FAAP20: variants seen among roughly 807,000 people sequenced by gnomAD.
FAAP20 encodes FA core complex associated protein 20.
In FAAP20, 12 loss-of-function variants were observed where a neutral mutation model predicts 16.2. The observed-to-expected ratio is 0.74, with a 90% CI of 0.48 to 1.20. The LOEUF is 1.20. Among genes scored for constraint, FAAP20 ranks in the 50% most tolerant of loss-of-function variants. FAAP20 has a pLI of 0.00. For missense variants in FAAP20, 288 were observed against 245.8 expected (o/e 1.17, Z -1.15); for synonymous variants, 141 against 110.7 (o/e 1.27, Z -1.72).
At chr1:2,195,289 G>A (rs1219143094), upstream of FAAP20, among the ~76,000 whole-genome samples, 1 of 152,190 alleles carries the variant, frequency 6.6e-6, no homozygotes, top group Non-Finnish European at 1.5e-5. Flanking sequence ...CCTGGGCCAG[G>A]GCCCTGGGGG....
At chr1:2,192,983 A>G (rs559230284) in intron 3 of FAAP20, 1 of 1,304,022 alleles carries the variant, frequency 7.7e-7, no homozygotes, top group East Asian at 5.5e-5. Flanking sequence ...CTTCTGGAAG[A>G]CCAGGGGCAT....
chr1:2,189,658 G>C lies in FAAP20; in HGVS notation c.*51C>G, dbSNP rs1687937655. On this transcript the variant is annotated 3_prime_UTR_variant, in exon 4 of 4. Coordinates refer to ENST00000378546, the MANE Select transcript of FAAP20 (RefSeq NM_182533.4). ...GAGCCGAGAGGCGGGGCTGCTGGCG[G>C]GGGAGAGCGTGTCCGGGCGCCGCAC... 1 of 1,493,820 alleles carries C rather than the reference G, an allele frequency of 6.7e-7. No individual in the cohort carries two copies. Among genetic ancestry groups the C allele is most frequent in the South Asian group, 1.1e-5 (1 of 88,222 alleles). 92.5% of individuals were successfully genotyped at this position (1,493,820 alleles called of 1,614,324 possible).
chr1:2,185,448 C>T, downstream of FAAP20: 1 of 718,664 alleles, frequency 1.4e-6, no homozygotes. Context: ...ATCTCAGACG[C>T]AACCCACACG....
At chr1:2,193,109 G>A in intron 3 of FAAP20, 5 of 903,936 alleles carry the variant, frequency 5.5e-6, no homozygotes, top group Non-Finnish European at 7.5e-6. Flanking sequence ...ACCTGCTCCG[G>A]AGGCCAAGGG....
At chr1:2,190,086 C>G (rs1185752242) in intron 3 of FAAP20, 1 of 567,816 alleles carries the variant, frequency 1.8e-6, no homozygotes, top group African/African-American at 1.8e-5. Flanking sequence ...TGAGAACGCG[C>G]TCATCGTGGA....
chr1:2,202,613 G>GCCA (rs1689093894), upstream of FAAP20, among the ~76,000 whole-genome samples: 1 of 152,062 alleles, frequency 6.6e-6, no homozygotes, highest in Non-Finnish European at 1.5e-5. Context: ...ACAGGCACAA[G>GCCA]CCACCACACC....
upstream of FAAP20, chr1:2,197,874 C>CA: frequency 9.9e-7 from 1 of 1,006,876 alleles, no homozygotes; most frequent in Non-Finnish European, 1.3e-6. Context: ...CTCCACTTGT[C>CA]AGGAAGCCTG....
downstream of FAAP20, among the ~76,000 whole-genome samples, chr1:2,188,395 G>T (rs1687799767): frequency 6.6e-6 from 1 of 152,188 alleles, no homozygotes; most frequent in African/African-American, 2.4e-5. Context: ...AGCCCCCGGA[G>T]AGTCTCAGCT....
At chr1:2,186,501 C>CG (rs912371051), downstream of FAAP20, among the ~76,000 whole-genome samples, 25 of 148,920 alleles carry the variant, frequency 1.7e-4, no homozygotes, top group Non-Finnish European at 3.0e-4. Context: ...CACCCGCCCC[C>CG]CCCCGGCCAG....
chr1:2,208,554 G>C (rs531314199), downstream of FAAP20, among the ~76,000 whole-genome samples: 1 of 152,324 alleles, frequency 6.6e-6, no homozygotes, highest in Non-Finnish European at 1.5e-5. Flanking sequence ...GCCCCTCCCT[G>C]CAGCATCTGT....
chr1:2,185,138 C>T, downstream of FAAP20: 3 of 905,862 alleles, frequency 3.3e-6, no homozygotes, highest in South Asian at 4.6e-5. Context: ...GCCGAGACCG[C>T]AGAGGGAAGC....
At chr1:2,189,980 C>G in intron 3 of FAAP20, 199 bp from the exon 4 acceptor site, 1 of 627,824 alleles carries the variant, frequency 1.6e-6, no homozygotes, top group Non-Finnish European at 2.9e-6. Context: ...ACACCGTGCC[C>G]GTGAGGAGGC....
chr1:2,199,048 C>A, upstream of FAAP20: 2 of 1,231,708 alleles, frequency 1.6e-6, no homozygotes, highest in Non-Finnish European at 2.1e-6. The surrounding 1 kb of genome is among the most constrained non-coding windows in gnomAD (Gnocchi z 4.5). Context: ...TCCTCACAGC[C>A]TCAGTGGCGG....
upstream of FAAP20, among the ~76,000 whole-genome samples, chr1:2,202,746 G>A (rs545969246): frequency 7.9e-5 from 12 of 152,200 alleles, no homozygotes; most frequent in Middle Eastern, 6.8e-3. Flanking sequence ...AAAGTGCTAG[G>A]ATTACAAGCA....
intron 1 of FAAP20, among the ~76,000 whole-genome samples, chr1:2,207,102 G>A (rs1231343092): frequency 6.6e-6 from 1 of 152,224 alleles, no homozygotes; most frequent in Non-Finnish European, 1.5e-5. Context: ...TGGAATGGAG[G>A]TGAGTGGGGG....
At chr1:2,209,911 G>T (rs1389405219), downstream of FAAP20, among the ~76,000 whole-genome samples, 1 of 152,202 alleles carries the variant, frequency 6.6e-6, no homozygotes, top group Non-Finnish European at 1.5e-5. Context: ...CTGCAGCCAG[G>T]TTCCATCCAG....
chr1:2,192,718 A>G (rs1324719550), intron 3 of FAAP20: 2 of 1,159,146 alleles, frequency 1.7e-6, no homozygotes, highest in Non-Finnish European at 2.2e-6. Flanking sequence ...GCTCAAGGGA[A>G]TCCTCCCACT....
downstream of FAAP20, among the ~76,000 whole-genome samples, chr1:2,189,014 A>AG (rs1299348948): frequency 1.4e-5 from 2 of 143,278 alleles, no homozygotes; most frequent in South Asian, 2.2e-4. Context: ...CAAAAAAGAA[A>AG]AAAAAAAAAA....
upstream of FAAP20, chr1:2,198,113 G>A (rs1315213649): frequency 7.7e-7 from 1 of 1,291,044 alleles, no homozygotes; most frequent in Non-Finnish European, 1.0e-6. Context: ...CTTCTTCGGA[G>A]CCATCTGCTG....
Sources: allele counts gnomAD v4.1 joint callset (sites outside exome capture counted in the v4.1 genomes callset), GRCh38; gene constraint gnomAD v4.1.1; non-coding constraint Gnocchi (gnomAD v3.1); transcripts MANE v1.5; gene names NCBI Gene and HGNC (gene_info 2026-07-23, HGNC 2026-07-21).